The following SEMA4D variants were observed in gnomAD, a reference collection of about 807,000 sequenced individuals.
SEMA4D encodes semaphorin-4D.
Under a neutral mutation model 74.8 loss-of-function variants are expected in SEMA4D, and 22 were observed. That is an observed-to-expected ratio of 0.29 (90% confidence interval 0.21 to 0.42). The LOEUF (loss-of-function observed/expected upper bound fraction) is 0.42, where lower values mean the gene tolerates loss of function less well. Among genes scored for constraint, SEMA4D ranks in the 10% least tolerant of loss-of-function variants. The pLI, the probability that SEMA4D is intolerant of heterozygous loss-of-function variation, is 1.00. For synonymous variants in SEMA4D, 445 were observed against 463.7 expected (o/e 0.96, Z 0.52); for missense variants, 937 against 1,118.4 (o/e 0.84, Z 2.31).
chr9:89,394,815 C>T (rs1180598614), intron 6 of SEMA4D, among the ~76,000 whole-genome samples: 8 of 152,196 alleles, frequency 5.3e-5, no homozygotes, highest in African/African-American at 1.9e-4. Context: ...GGTTTCGGGG[C>T]TGTTGGGGAA....
At chr9:89,455,716 C>T (rs1018695812) in intron 2 of SEMA4D, among the ~76,000 whole-genome samples, 172 bp downstream of exon 2, 3 of 152,366 alleles carry the variant, frequency 2.0e-5, no homozygotes, top group Admixed American at 6.5e-5. Flanking sequence ...ACCACCTGAG[C>T]TTTCAGAGAC....
At chr9:89,472,244 C>T in intron 1 of SEMA4D, 1 of 301,650 alleles carries the variant, frequency 3.3e-6, no homozygotes, top group Non-Finnish European at 6.4e-6. Flanking sequence ...AAGATGGCAG[C>T]CACCAAGGGC....
chr9:89,473,265 G>A (rs771152469), intron 1 of SEMA4D, among the ~76,000 whole-genome samples: 2 of 152,176 alleles, frequency 1.3e-5, no homozygotes, highest in African/African-American at 2.4e-5. Flanking sequence ...TCCATTCGGA[G>A]CTGACCCAAA....
intron 1 of SEMA4D, among the ~76,000 whole-genome samples, chr9:89,469,447 T>C (rs1406579457): frequency 6.6e-6 from 1 of 152,158 alleles, no homozygotes; most frequent in Non-Finnish European, 1.5e-5. Flanking sequence ...ACTACCCTGA[T>C]AGCAAATCCA....
Position 89,388,878 on chromosome 9 carries a change from G to A in SEMA4D, c.944C>T (p.Pro315Leu), listed in dbSNP as rs147822490. ...CTCCACCCAGGGCACTTACAGCTGT[G>A]GGGTGAAGAGTGCATAGAACACAGG... ...KVPVFYALFTPQLNNVGLSAV... is the reference protein window; with the variant it reads ...KVPVFYALFTLQLNNVGLSAV... The change falls in exon 10 of 16, where the codon CCA becomes CTA. Residue 315 changes from proline (P) to leucine (L), a missense_variant. Coordinates refer to ENST00000422704, the MANE Select transcript of SEMA4D (RefSeq NM_001371194.2). 2.0e-5 allele frequency: 33 copies of A among 1,614,012 alleles called. 1 individual carries two copies. In the Admixed American group the frequency reaches 4.3e-4, roughly 21 times the overall value.
At chr9:89,451,196 A>G (rs1256652054) in intron 2 of SEMA4D, among the ~76,000 whole-genome samples, 1 of 151,760 alleles carries the variant, frequency 6.6e-6, no homozygotes, top group African/African-American at 2.4e-5. Context: ...TTCTTTTTCC[A>G]TTCTCCCCAA....
intron 2 of SEMA4D, among the ~76,000 whole-genome samples, chr9:89,452,784 C>T (rs1181911671): frequency 1.3e-5 from 2 of 152,238 alleles, no homozygotes; most frequent in East Asian, 1.9e-4. Flanking sequence ...TTGGGATGCA[C>T]GGCTTGACCA....
chr9:89,434,340 C>T (rs552233435), intron 2 of SEMA4D, among the ~76,000 whole-genome samples: 1 of 152,200 alleles, frequency 6.6e-6, no homozygotes, highest in Non-Finnish European at 1.5e-5. Context: ...TGGCGTTGGG[C>T]GCCTTCTCAA....
downstream of SEMA4D, among the ~76,000 whole-genome samples, chr9:89,374,383 AG>A (rs899990189): frequency 7.2e-5 from 11 of 152,358 alleles, no homozygotes; most frequent in East Asian, 1.5e-3. Flanking sequence ...GGAAGTTGGA[AG>A]GAAGAAACAT....
chr9:89,472,549 C>T (rs1256174368), intron 1 of SEMA4D: 1 of 247,894 alleles, frequency 4.0e-6, no homozygotes, highest in Non-Finnish European at 8.2e-6. Flanking sequence ...ACCCAAGAGC[C>T]AAATCACCGC....
intron 2 of SEMA4D, among the ~76,000 whole-genome samples, chr9:89,451,249 T>C (rs1291919761): frequency 1.3e-5 from 2 of 152,210 alleles, no homozygotes; most frequent in African/African-American, 4.8e-5. Context: ...ATTTTTCAGA[T>C]AGTTTTTATT....
At chr9:89,376,997 C>T (rs555782985), downstream of SEMA4D, 5 of 1,549,640 alleles carry the variant, frequency 3.2e-6, no homozygotes, top group African/African-American at 6.8e-5. Context: ...CCCCACATGG[C>T]CCAGACAGGA....
At chr9:89,437,287 G>C (rs1189104874) in intron 2 of SEMA4D, among the ~76,000 whole-genome samples, 1 of 152,230 alleles carries the variant, frequency 6.6e-6, no homozygotes, top group East Asian at 1.9e-4. Context: ...TTTTTCTGCA[G>C]GCCAGGTTTT....
At chr9:89,459,548 T>C (rs1856766086) in intron 1 of SEMA4D, among the ~76,000 whole-genome samples, 1 of 152,134 alleles carries the variant, frequency 6.6e-6, no homozygotes, top group Non-Finnish European at 1.5e-5. Flanking sequence ...GGGAGTCTTA[T>C]TAACATTCCT....
intron 1 of SEMA4D, among the ~76,000 whole-genome samples, chr9:89,485,808 A>G (rs1170442797): frequency 1.9e-4 from 20 of 107,852 alleles, no homozygotes; most frequent in African/African-American, 4.6e-4. Flanking sequence ...AAAAAAAAAA[A>G]AAAAAAGAAA....
exon 19 of SEMA4D, chr9:89,362,208 C>T: frequency 3.6e-6 from 3 of 835,848 alleles, no homozygotes; most frequent in Non-Finnish European, 5.8e-6. Flanking sequence ...TGTCACAGGC[C>T]CACTTGGGTT....
At chr9:89,426,564 C>T (rs1288721003) in intron 2 of SEMA4D, among the ~76,000 whole-genome samples, 2 of 152,154 alleles carry the variant, frequency 1.3e-5, no homozygotes, top group Non-Finnish European at 2.9e-5. Context: ...TCACTCCAGG[C>T]GGGAAACAAA....
chr9:89,419,118 G>A (rs1395976396), intron 2 of SEMA4D, among the ~76,000 whole-genome samples: 3 of 151,896 alleles, frequency 2.0e-5, no homozygotes, highest in African/African-American at 4.8e-5. Context: ...CCTCGGGGCC[G>A]ACACATCCTC....
chr9:89,404,412 C>T (rs914762894), intron 3 of SEMA4D, among the ~76,000 whole-genome samples: 10 of 152,200 alleles, frequency 6.6e-5, no homozygotes, highest in Non-Finnish European at 1.0e-4. Flanking sequence ...CTACAGTTGT[C>T]ACAGCCTCTC....
Sources: allele counts gnomAD v4.1 joint callset (sites outside exome capture counted in the v4.1 genomes callset), GRCh38; gene constraint gnomAD v4.1.1; transcripts MANE v1.5; gene names NCBI Gene and HGNC (gene_info 2026-07-23, HGNC 2026-07-21).